The following RAB27B variants were observed in gnomAD, a reference collection of about 807,000 sequenced individuals.
RAB27B encodes ras-related protein Rab-27B.
RAB27B carries 15 observed loss-of-function variants against 24.6 expected under a neutral mutation model. That is an observed-to-expected ratio of 0.61 (90% CI 0.41 to 0.94). The LOEUF (loss-of-function observed/expected upper bound fraction) is 0.94. RAB27B is among the 40% of genes least tolerant of loss of function. RAB27B has a pLI of 0.00. For synonymous variants in RAB27B, 105 were observed against 92.5 expected, an observed-to-expected ratio of 1.14 and a Z score of -0.78; for missense variants, 261 against 266.8, an observed-to-expected ratio of 0.98 and a Z score of 0.15.
At chr18:54,770,740 T>C (rs2145069170) in intron 2 of RAB27B, among the ~76,000 whole-genome samples, 1 of 152,234 alleles carries the variant, frequency 6.6e-6, no homozygotes, top group Non-Finnish European at 1.5e-5. Flanking sequence ...ATCTTTTTTT[T>C]TTCCTATTGC....
At chr18:54,789,649 C>CTGTT (rs1256516344) in intron 2 of RAB27B, among the ~76,000 whole-genome samples, 3 of 151,712 alleles carry the variant, frequency 2.0e-5, no homozygotes, top group African/African-American at 7.3e-5. Flanking sequence ...CAAATGACTA[C>CTGTT]TGTTAGGAAA....
chr18:54,831,143 G>A (rs1262874044), intron 1 of RAB27B, among the ~76,000 whole-genome samples: 1 of 152,166 alleles, frequency 6.6e-6, no homozygotes, highest in Admixed American at 6.5e-5. Flanking sequence ...GAGGAGGCAT[G>A]CAGAAAGTGT....
intron 2 of RAB27B, among the ~76,000 whole-genome samples, chr18:54,730,266 C>T (rs1909687232): frequency 6.6e-6 from 1 of 151,988 alleles, no homozygotes; most frequent in Non-Finnish European, 1.5e-5. Context: ...GTTATCTGGA[C>T]TTATAACTAT....
chr18:54,750,002 A>G (rs1907781441), intron 2 of RAB27B, among the ~76,000 whole-genome samples: 1 of 152,134 alleles, frequency 6.6e-6, no homozygotes, highest in Admixed American at 6.6e-5. Context: ...CTCATCATTG[A>G]TATTTGGGAT....
At chr18:54,719,385 T>G (rs953156005) in intron 2 of RAB27B, among the ~76,000 whole-genome samples, 1 of 152,078 alleles carries the variant, frequency 6.6e-6, no homozygotes, top group African/African-American at 2.4e-5. Flanking sequence ...TTTACTTTAC[T>G]GTTTTTTAAA....
At chr18:54,766,731 A>C (rs1347480684) in intron 2 of RAB27B, among the ~76,000 whole-genome samples, 2 of 152,144 alleles carry the variant, frequency 1.3e-5, no homozygotes. Flanking sequence ...TTGATGTTGC[A>C]TACCCCTCTG....
rs1205627226 is a variant in RAB27B at position 54,891,410 on chromosome 18, T to C, written c.*1997T>C. The stretch of plus-strand genomic sequence containing the variant: ...CCCTCCCATGGTGTTTCCTCTGGGA[T>C]GCTCTTCATTATCTCAATGCCTGTG... On this transcript the variant is annotated 3_prime_UTR_variant, in exon 6 of 6. Coordinates refer to ENST00000262094, the MANE Select transcript of RAB27B (RefSeq NM_004163.4). 6.6e-6 allele frequency: 1 copy of C among 151,130 alleles called. No homozygotes were observed. The highest frequency in any genetic ancestry group is 1.9e-4 in the East Asian group (1 of 5,192). The allele number at this position is 151,130 out of a possible 1,614,324, so 9.4% of individuals were successfully genotyped here.
At chr18:54,784,932 C>CCT (rs1909033523) in intron 2 of RAB27B, among the ~76,000 whole-genome samples, 2 of 152,086 alleles carry the variant, frequency 1.3e-5, no homozygotes, top group Admixed American at 1.3e-4. Context: ...GATGGATGCT[C>CCT]CTCTCACTCA....
chr18:54,794,496 G>A (rs1909351898), intron 2 of RAB27B, among the ~76,000 whole-genome samples: 1 of 152,172 alleles, frequency 6.6e-6, no homozygotes, highest in Admixed American at 6.5e-5. Flanking sequence ...AGATTTTTCT[G>A]AGAAATGAAT....
chr18:54,797,390 G>C (rs1909457999), intron 2 of RAB27B, among the ~76,000 whole-genome samples: 3 of 152,168 alleles, frequency 2.0e-5, no homozygotes, highest in East Asian at 1.9e-4. Flanking sequence ...GCCAGGTGTG[G>C]TGGTATGTGC....
intron 2 of RAB27B, among the ~76,000 whole-genome samples, chr18:54,804,944 TTCTTTCTTTC>T (rs1407654275): frequency 8.4e-6 from 1 of 118,802 alleles, no homozygotes; most frequent in Non-Finnish European, 1.8e-5. Context: ...CTTTCTTTCT[TTCTTTCTTTC>T]TCTTTCTTTC....
At chr18:54,782,151 G>A (rs978933083) in intron 2 of RAB27B, among the ~76,000 whole-genome samples, 1 of 152,196 alleles carries the variant, frequency 6.6e-6, no homozygotes. Context: ...ATTAATTACT[G>A]TTGGAATTCA....
intron 2 of RAB27B, among the ~76,000 whole-genome samples, chr18:54,877,983 A>C (rs73489409): frequency 6.6e-6 from 1 of 152,188 alleles, no homozygotes; most frequent in Non-Finnish European, 1.5e-5. Flanking sequence ...TCAATATTTT[A>C]CTGATTTGCA....
chr18:54,758,635 T>TAAAAAAAAA (rs58044123), intron 2 of RAB27B, among the ~76,000 whole-genome samples: 1 of 141,672 alleles, frequency 7.1e-6, no homozygotes, highest in Non-Finnish European at 1.5e-5. Context: ...CAAAAACAAT[T>TAAAAAAAAA]AAAAAAAAAA....
At chr18:54,776,798 C>A (rs934292203) in intron 2 of RAB27B, among the ~76,000 whole-genome samples, 2 of 152,168 alleles carry the variant, frequency 1.3e-5, no homozygotes, top group Admixed American at 1.3e-4. Context: ...GTCAGGCATG[C>A]CCGTAATCCC....
chr18:54,884,235 C>T, intron 3 of RAB27B, 98 bp from the exon 4 acceptor site: 1 of 712,518 alleles, frequency 1.4e-6, no homozygotes, highest in East Asian at 2.6e-5. Flanking sequence ...AAGGGCCAGT[C>T]ACGGAGAATT....
intron 2 of RAB27B, among the ~76,000 whole-genome samples, chr18:54,769,572 C>A (rs1568059193): frequency 6.6e-6 from 1 of 152,062 alleles, no homozygotes; most frequent in East Asian, 1.9e-4. Flanking sequence ...TTTTCCCATA[C>A]AAAAGATCTA....
chr18:54,895,188 G>C lies in RAB27B; in HGVS notation c.*5775G>C, dbSNP rs1599006445. On this transcript the variant is annotated 3_prime_UTR_variant, in exon 6 of 6. Transcript: ENST00000262094. ...TGAAGTGCTTCATTGTATCCCAACA[G>C]TTTACCTTCAAGTAATATTATCTTT... 6.6e-6 allele frequency: 1 copy of C among 152,068 alleles called. No individual in the cohort carries two copies. Among genetic ancestry groups the C allele is most frequent in the African/African-American group, 2.4e-5 (1 of 41,420 alleles). 9.4% of individuals were successfully genotyped at this position (152,068 alleles called of 1,614,324 possible). A position where few individuals can be genotyped will look rare whatever the true frequency, so the allele number is the denominator to read the frequency against.
chr18:54,877,815 G>T, intron 2 of RAB27B, 77 bp downstream of exon 2: 1 of 1,404,442 alleles, frequency 7.1e-7, no homozygotes, highest in Non-Finnish European at 9.5e-7. Context: ...TATGTTTATT[G>T]CATTGGAGTC....
Sources: allele counts gnomAD v4.1 joint callset (sites outside exome capture counted in the v4.1 genomes callset), GRCh38; gene constraint gnomAD v4.1.1; transcripts MANE v1.5; gene names NCBI Gene and HGNC (gene_info 2026-07-23, HGNC 2026-07-21).